ABCA4: variants seen among roughly 807,000 people sequenced by gnomAD.
ABCA4 encodes ATP binding cassette subfamily A member 4.
Under a neutral mutation model 263.7 loss-of-function variants are expected in ABCA4, and 196 were observed. The observed-to-expected ratio is 0.74, with a 90% CI of 0.66 to 0.84. The LOEUF (loss-of-function observed/expected upper bound fraction) is 0.84. Among genes scored for constraint, ABCA4 ranks in the 40% least tolerant of loss-of-function variants. ABCA4 has a pLI of 0.00. For missense variants in ABCA4, 2,792 were observed against 2,855.1 expected, an observed-to-expected ratio of 0.98 and a Z score of 0.50; for synonymous variants, 1,133 against 1,094.2, an observed-to-expected ratio of 1.04 and a Z score of -0.70.
At chr1:94,018,633 T>C (rs1333736051) in intron 36 of ABCA4, 1 of 454,442 alleles carries the variant, frequency 2.2e-6, no homozygotes, top group South Asian at 1.6e-5. Flanking sequence ...TCAGTTGGTA[T>C]ATCTTATCAT....
In ABCA4 at chr1:94,113,173, A is replaced by G. The variant is rs1662660163; in HGVS notation, c.67-107T>C. 13 of 1,054,616 alleles carry G rather than the reference A, an allele frequency of 1.2e-5. No individual in the cohort carries two copies. In the South Asian group the frequency reaches 1.7e-4, roughly 14 times the overall value. 65.3% of individuals were successfully genotyped at this position (1,054,616 alleles called of 1,614,324 possible). On this transcript the variant is annotated intron_variant, in intron 1 of 49. Transcript: ENST00000370225. ...CCTCAGATCCCATGTGTGCAGTAGG[A>G]CTTTGGTTGTGGTATCTTTACCTAA...
intron 11 of ABCA4, among the ~76,000 whole-genome samples, chr1:94,070,564 A>C (rs1162632890): frequency 6.6e-6 from 1 of 152,214 alleles, no homozygotes; most frequent in Non-Finnish European, 1.5e-5. Context: ...CACTAAGGTA[A>C]GTTGGGAAGT....
chr1:94,114,252 A>G (rs1012183860), intron 1 of ABCA4, among the ~76,000 whole-genome samples: 1 of 152,222 alleles, frequency 6.6e-6, no homozygotes, highest in Non-Finnish European at 1.5e-5. Context: ...TCTGCTTTTT[A>G]AAAAACAGCC....
Position 94,019,900 on chromosome 1 carries a change from G to A in ABCA4, c.5019-141C>T, listed in dbSNP as rs191670413. On this transcript the variant is annotated intron_variant, in intron 35 of 49. Transcript: ENST00000370225. ...GGTTCCTCTTCTCTACCTTGAAGCT[G>A]TCACTCCACTAAACTGTCTTAATCC... The A allele has an allele frequency of 4.6e-6, 4 of 867,894 alleles. No individual in the cohort carries two copies. The African/African-American group carries it at 6.7e-5, about 14-fold the overall frequency. 53.8% of individuals were successfully genotyped at this position (867,894 alleles called of 1,614,324 possible). A position where few individuals can be genotyped will look rare whatever the true frequency, so the allele number is the denominator to read the frequency against.
At chr1:93,993,684 A>G (rs564360185) in intron 49 of ABCA4, among the ~76,000 whole-genome samples, 1 of 152,218 alleles carries the variant, frequency 6.6e-6, no homozygotes, top group African/African-American at 2.4e-5. Context: ...GGGAAGCATG[A>G]AAGTGTGACT....
intron 24 of ABCA4, 121 bp from the exon 25 acceptor site, chr1:94,037,471 G>A (rs1660372093): frequency 2.2e-6 from 2 of 903,462 alleles, no homozygotes; most frequent in South Asian, 2.8e-5. Flanking sequence ...TTGTATCTCG[G>A]CAGTGACTCT....
chr1:94,113,411 C>G (rs147707201), intron 1 of ABCA4, among the ~76,000 whole-genome samples: 278 of 152,286 alleles, frequency 1.8e-3, no homozygotes, highest in Non-Finnish European at 3.1e-3. Context: ...TCAGTATGGC[C>G]CCACCAGAGC....
chr1:94,074,985 A>T (rs899579088), intron 11 of ABCA4, among the ~76,000 whole-genome samples: 5 of 152,250 alleles, frequency 3.3e-5, no homozygotes, highest in Non-Finnish European at 5.9e-5. Context: ...GCAGCCATAA[A>T]AAGGAATGAG....
rs1312265858 is a variant in ABCA4, at chr1:94,111,457, A to G, written c.283T>C (p.Ser95Pro). The G allele has an allele frequency of 6.2e-7, 1 of 1,614,052 alleles. No homozygotes were observed. Among genetic ancestry groups the G allele is most frequent in the Non-Finnish European group, 8.5e-7 (1 of 1,179,986 alleles). ...ACTTACATGGAGTTGTTATAGTTTG[A>G]CACAATTCCAGGAGATTCTCCTGGG... is the stretch of plus-strand genomic sequence containing the variant. ...PTPGESPGIV[S>P]NYNNSILARV... Residue 95 changes from serine (S) to proline (P), a missense_variant, in exon 3 of 50, where the codon TCA becomes CCA. Coordinates refer to ENST00000370225, the MANE Select transcript of ABCA4 (RefSeq NM_000350.3).
chr1:94,115,796 A>G (rs1662743210), intron 1 of ABCA4, among the ~76,000 whole-genome samples: 1 of 152,194 alleles, frequency 6.6e-6, no homozygotes, highest in Admixed American at 6.5e-5. Flanking sequence ...AGGAGACAGA[A>G]TTAAGCTTAT....
At chr1:94,055,378 C>T in intron 15 of ABCA4, 63 bp from the exon 16 acceptor site, 1 of 1,543,454 alleles carries the variant, frequency 6.5e-7, no homozygotes, top group Non-Finnish European at 8.9e-7. Flanking sequence ...CAACAGCACC[C>T]AGATGCCCTC....
At position 94,028,236 on chromosome 1, in the gene ABCA4, T is replaced by C. The variant is rs1001496341; in HGVS notation, c.4539+1209A>G. ...GAACAGTTTATTCATTGACAAATCA[T>C]TGGACAGGGCTGTCTAAGGCCCAGC... is the stretch of plus-strand genomic sequence containing the variant. On this transcript the variant is annotated intron_variant, in intron 30 of 49. Coordinates refer to ENST00000370225, the MANE Select transcript of ABCA4 (RefSeq NM_000350.3). Among the ~76,000 whole-genome samples, 23 of 152,306 alleles carry C rather than the reference T, an allele frequency of 1.5e-4. No individual in the cohort carries two copies. The East Asian group carries it at 1.9e-3, about 13-fold the overall frequency.
chr1:94,078,725 C>A lies in ABCA4; in HGVS notation c.1240-19G>T, dbSNP rs1283289898. 3 of 1,541,406 alleles carry A rather than the reference C, an allele frequency of 1.9e-6. No individual in the cohort carries two copies. In the Admixed American group the frequency reaches 5.0e-5, roughly 26 times the overall value. ...AGTTGGCCTAAAACCAGACAGAGAT[C>A]AAGACAGAGACACGAACAGAGAGAA... is the stretch of plus-strand genomic sequence containing the variant. On this transcript the variant is annotated intron_variant, in intron 9 of 49. Transcript: ENST00000370225.
intron 43 of ABCA4, among the ~76,000 whole-genome samples, chr1:94,007,352 C>T (rs370056485): frequency 1.3e-5 from 2 of 152,152 alleles, no homozygotes; most frequent in Non-Finnish European, 2.9e-5. Context: ...TAAAAGGTTC[C>T]GTGACCTCTA....
chr1:94,068,623 T>C (rs1661333405), intron 11 of ABCA4, among the ~76,000 whole-genome samples: 1 of 152,240 alleles, frequency 6.6e-6, no homozygotes, highest in East Asian at 1.9e-4. Flanking sequence ...CAAGTTAGAA[T>C]ATAGTAGGTT....
Position 94,029,598 on chromosome 1 carries a change from C to T in ABCA4, c.4386G>A (p.Lys1462=). 6.2e-7 allele frequency: 1 copy of T among 1,614,044 alleles called. No individual in the cohort carries two copies. Among genetic ancestry groups the T allele is most frequent in the Non-Finnish European group, 8.5e-7 (1 of 1,179,946 alleles). ...TGATGTTTGGGGACACAGAAGGAGT[C>T]TTCCAGGGTGTTGAGTTGCCACAGG... ...EYPCGNSTPW[K]TPSVSPNITQ... Residue 1462 remains lysine, a synonymous_variant, in exon 30 of 50, where the codon AAG becomes AAA. Transcript: ENST00000370225.
intron 6 of ABCA4, among the ~76,000 whole-genome samples, chr1:94,094,337 T>C (rs1039763787): frequency 1.3e-5 from 2 of 152,148 alleles, no homozygotes; most frequent in African/African-American, 4.8e-5. Flanking sequence ...AGGACATTGA[T>C]GGGCGCATGT....
intron 11 of ABCA4, among the ~76,000 whole-genome samples, chr1:94,064,975 G>A (rs998756140): frequency 2.6e-5 from 4 of 152,124 alleles, no homozygotes; most frequent in Non-Finnish European, 5.9e-5. Context: ...TTGATGTACT[G>A]CAGGCTTTAA....
In ABCA4 at chr1:94,116,968, C is replaced by CTCTTTCTTCTT. The variant is rs1553197104; in HGVS notation, c.67-3903_67-3902insAAGAAGAAAGA. Among the ~76,000 whole-genome samples, 24 of 100,052 alleles carry CTCTTTCTTCTT rather than the reference C, an allele frequency of 2.4e-4. No homozygotes were observed. In the East Asian group the frequency reaches 6.1e-3, roughly 25 times the overall value. 65.6% of individuals were successfully genotyped at this position (100,052 alleles called of 152,430 possible). On this transcript the variant is annotated intron_variant, in intron 1 of 49. Transcript: ENST00000370225. ...CCCTCCCTCCCTCCTTTCTTTCTTT[C>CTCTTTCTTCTT]TCTTTCTTTCTTTCTTTCTTTCTTT...
Sources: gnomAD v4.1 joint callset for allele counts (sites outside exome capture counted in the v4.1 genomes callset) on GRCh38, gnomAD v4.1.1 for gene constraint, MANE v1.5 for transcripts, NCBI Gene and HGNC (gene_info 2026-07-23, HGNC 2026-07-21) for gene names.